LTBP1: variants seen among roughly 807,000 people sequenced by gnomAD.
The protein encoded by LTBP1 is latent transforming growth factor beta binding protein 1.
LTBP1 carries 129 observed loss-of-function variants against 207.6 expected under a neutral mutation model. The ratio of observed to expected loss-of-function variants is 0.62; its 90% CI spans 0.54 to 0.72. LTBP1 has a LOEUF of 0.72. Ranked by LOEUF, LTBP1 falls within the 30% of genes least tolerant of loss-of-function variation. The pLI is 0.00. For synonymous variants in LTBP1, 963 were observed against 833.7 expected (o/e 1.16, Z -2.67); for missense variants, 2,281 against 2,217.2 (o/e 1.03, Z -0.58).
intron 4 of LTBP1, among the ~76,000 whole-genome samples, chr2:33,131,530 AT>A (rs1243393871): frequency 6.6e-6 from 1 of 152,242 alleles, no homozygotes; most frequent in African/African-American, 2.4e-5. Flanking sequence ...CTGGATAATA[AT>A]CTAGTGTCAA....
rs1483622356 is a variant in LTBP1, at chr2:33,309,467, G to A, written c.3515G>A (p.Cys1172Tyr). ...INECLEDKSV[C>Y]QRGDCINTAG... is the part of the protein sequence containing the mutation. ...GAATGCTTGGAGGACAAGAGTGTTT[G>A]CCAGAGAGGAGACTGCATTAATACT... The change falls in exon 23 of 34, where the codon TGC (cysteine) becomes TAC (tyrosine). Residue 1172 changes from cysteine (C) to tyrosine (Y), a missense_variant. Cys to Tyr is a radical substitution (Grantham distance 194). This residue lies in a region of LTBP1 where 1,671 missense variants were observed against 1,634.8 expected (regional missense o/e 1.02). Coordinates refer to ENST00000404816, the MANE Select transcript of LTBP1 (RefSeq NM_206943.4). The A allele has an allele frequency of 6.2e-7, 1 of 1,609,452 alleles. No individual in the cohort carries two copies. The highest frequency in any genetic ancestry group is 1.1e-5 in the South Asian group (1 of 89,632).
In LTBP1 at chr2:32,947,887, TCAGGGCCACTCGGAGCCCCGCGGTGGC is replaced by T. The variant is rs1228295516; in HGVS notation, c.494+76_494+102del. On this transcript the variant is annotated intron_variant, in intron 1 of 33. Coordinates refer to ENST00000404816, the MANE Select transcript of LTBP1 (RefSeq NM_206943.4). Reference sequence around the variant, plus strand: ...ACCGCCCGCGGAGGGACCTGCGGGGTCAGGGCCACTCGGAGCCCCGCGGTGGCCAGGGCGGTCGCGCGCGGTGGGTCG... The same window carrying T: ...ACCGCCCGCGGAGGGACCTGCGGGGTCAGGGCGGTCGCGCGCGGTGGGTCG... The T allele has an allele frequency of 7.6e-5, 93 of 1,224,566 alleles. 1 individual carries two copies. In the African/African-American group the frequency reaches 1.4e-3, roughly 18 times the overall value. The allele number at this position is 1,224,566 out of a possible 1,614,324, so 75.9% of individuals were successfully genotyped here.
rs1271358214 is a variant in LTBP1 at position 33,096,609 on chromosome 2, A to C, written c.864-13973A>C. On this transcript the variant is annotated intron_variant, in intron 3 of 33. Coordinates refer to ENST00000404816, the MANE Select transcript of LTBP1 (RefSeq NM_206943.4). ...TGCTTTGTAGTTTTCAGAGTTTTTA[A>C]AGTGTATGTTGGTTTATTCTTAGAG... 7.2e-5 allele frequency among the ~76,000 whole-genome samples: 11 copies of C among 152,150 alleles called. No homozygotes were observed. The South Asian group carries it at 8.3e-4, about 11-fold the overall frequency.
At chr2:33,109,324 T>G (rs2150241248) in intron 3 of LTBP1, among the ~76,000 whole-genome samples, 1 of 152,308 alleles carries the variant, frequency 6.6e-6, no homozygotes, top group South Asian at 2.1e-4. Flanking sequence ...AGATAGTCAG[T>G]CCCTCCTTAG....
At chr2:33,301,744 C>T in intron 22 of LTBP1, 100 bp downstream of exon 22, 1 of 1,115,008 alleles carries the variant, frequency 9.0e-7, no homozygotes, top group Non-Finnish European at 1.2e-6. Context: ...CTCTTGATTT[C>T]ATAGTGAAGA....
At chr2:33,333,438 A>G (rs750288137) in intron 24 of LTBP1, among the ~76,000 whole-genome samples, 32 of 152,208 alleles carry the variant, frequency 2.1e-4, no homozygotes, top group Non-Finnish European at 3.5e-4. Context: ...GGCCACACAT[A>G]TTGGTAGCTC....
rs750991782 is a variant in LTBP1 at position 33,301,543 on chromosome 2, G to A, written c.3380G>A (p.Arg1127His). ...ATAGACATTGATGAATGCCAGCACC[G>A]TCATCTCTGTGCTCATGGGCAGTGC... The part of the protein sequence containing the change: ...QCEDIDECQH[R>H]HLCAHGQCRN... Residue 1127 changes from arginine to histidine, a missense_variant, in exon 22 of 34, where the codon CGT (arginine) becomes CAT (histidine). Transcript: ENST00000404816. 1.9e-5 allele frequency: 31 copies of A among 1,604,930 alleles called. No homozygotes were observed. Among genetic ancestry groups the A allele is most frequent in the South Asian group, 1.3e-4 (12 of 89,206 alleles).
At chr2:32,981,810 A>G (rs1682802816) in intron 2 of LTBP1, among the ~76,000 whole-genome samples, 1 of 152,166 alleles carries the variant, frequency 6.6e-6, no homozygotes, top group Non-Finnish European at 1.5e-5. Flanking sequence ...TCCTCTGCAC[A>G]TGCTTTCATG....
At chr2:33,069,179 G>GTATC (rs2077659109) in intron 3 of LTBP1, among the ~76,000 whole-genome samples, 1 of 152,094 alleles carries the variant, frequency 6.6e-6, no homozygotes, top group Non-Finnish European at 1.5e-5. Context: ...TACTTGTTAG[G>GTATC]TATCCCTGGT....
chr2:33,217,523 C>G (rs555680747), intron 7 of LTBP1, 29 bp from the exon 8 acceptor site: 10 of 1,536,742 alleles, frequency 6.5e-6, no homozygotes, highest in African/African-American at 1.4e-5. Context: ...ACTCAATTAA[C>G]CTTCATATTT....
chr2:33,240,671 G>A lies in LTBP1; in HGVS notation c.1877-2991G>A, dbSNP rs572952072. ...TTTTTTTTTTTTTTTTTTTTTTTGA[G>A]ACGGAGTCTTGCTCTGTCGCCCAGG... On this transcript the variant is annotated intron_variant, in intron 9 of 33. Coordinates refer to ENST00000404816, the MANE Select transcript of LTBP1 (RefSeq NM_206943.4). 2.5e-4 allele frequency among the ~76,000 whole-genome samples: 27 copies of A among 105,906 alleles called. No homozygotes were observed. The South Asian group carries it at 3.4e-3, about 13-fold the overall frequency. 69.5% of individuals were successfully genotyped at this position (105,906 alleles called of 152,430 possible). A position where few individuals can be genotyped will look rare whatever the true frequency, so the allele number is the denominator to read the frequency against.
intron 7 of LTBP1, among the ~76,000 whole-genome samples, chr2:33,193,300 C>G (rs948615506): frequency 1.2e-4 from 18 of 152,204 alleles, no homozygotes; most frequent in Admixed American, 1.0e-3. Flanking sequence ...CACCACCACA[C>G]CCAGCTAATT....
At chr2:33,329,556 G>GA (rs2094470226) in intron 24 of LTBP1, among the ~76,000 whole-genome samples, 2 of 152,026 alleles carry the variant, frequency 1.3e-5, no homozygotes, top group African/African-American at 4.8e-5. Flanking sequence ...GGCCCCTGAA[G>GA]TTTTTTTGCA....
At chr2:33,174,817 C>A (rs1001422714) in intron 5 of LTBP1, among the ~76,000 whole-genome samples, 1 of 152,028 alleles carries the variant, frequency 6.6e-6, no homozygotes, top group Non-Finnish European at 1.5e-5. Flanking sequence ...AGATATAGAT[C>A]AATGGAAGAG....
At chr2:33,363,919 A>G (rs996026476) in intron 29 of LTBP1, among the ~76,000 whole-genome samples, 17 of 152,252 alleles carry the variant, frequency 1.1e-4, no homozygotes. Context: ...AAAGGAAATA[A>G]TTTTAAAAGT....
intron 5 of LTBP1, among the ~76,000 whole-genome samples, chr2:33,166,335 A>G (rs1419821686): frequency 1.3e-5 from 2 of 152,232 alleles, no homozygotes; most frequent in Non-Finnish European, 2.9e-5. Context: ...ACTAGGGAAA[A>G]GTTGCTGAAA....
At chr2:33,342,815 G>C (rs777059402) in intron 24 of LTBP1, 23 bp from the exon 25 acceptor site, 1 of 1,611,284 alleles carries the variant, frequency 6.2e-7, no homozygotes, top group South Asian at 1.1e-5. Flanking sequence ...TTTTGTGTCT[G>C]ATGTTCCATG....
At chr2:33,143,740 A>T (rs1020316888) in intron 5 of LTBP1, among the ~76,000 whole-genome samples, 4 of 151,258 alleles carry the variant, frequency 2.6e-5, no homozygotes, top group Non-Finnish European at 5.9e-5. Flanking sequence ...TTTACGGAAG[A>T]ACCTTAAGTT....
chr2:33,193,610 A>G (rs994367818), intron 7 of LTBP1, among the ~76,000 whole-genome samples: 1 of 152,192 alleles, frequency 6.6e-6, no homozygotes, highest in Non-Finnish European at 1.5e-5. Context: ...AGCCTTGCTT[A>G]TAGGCAAGCA....
Sources: allele counts gnomAD v4.1 joint callset (sites outside exome capture counted in the v4.1 genomes callset), GRCh38; gene constraint gnomAD v4.1.1; regional missense constraint gnomAD v4.1.1; transcripts MANE v1.5; gene names NCBI Gene and HGNC (gene_info 2026-07-23, HGNC 2026-07-21).